Variants in WDR59 observed in about 807,000 individuals in gnomAD.
WDR59 encodes WD repeat domain 59.
Under a neutral mutation model 131.2 loss-of-function variants are expected in WDR59, and 100 were observed. That is an observed-to-expected ratio of 0.76 (90% CI 0.65 to 0.90). The LOEUF (loss-of-function observed/expected upper bound fraction) is 0.90. Among genes scored for constraint, WDR59 ranks in the 40% least tolerant of loss-of-function variants. WDR59 has a pLI of 0.00. For synonymous variants in WDR59, 601 were observed against 466.2 expected, an observed-to-expected ratio of 1.29 and a Z score of -3.72; for missense variants, 1,203 against 1,262.2, an observed-to-expected ratio of 0.95 and a Z score of 0.71.
chr16:74,877,335 A>G (rs761267063), intron 25 of WDR59, among the ~76,000 whole-genome samples: 21 of 152,208 alleles, frequency 1.4e-4, no homozygotes, highest in Non-Finnish European at 1.8e-4. Context: ...AATTCCAAAG[A>G]AAACTGTTCA....
intron 3 of WDR59, 100 bp downstream of exon 3, chr16:74,956,375 G>T: frequency 7.0e-7 from 1 of 1,419,694 alleles, no homozygotes. Context: ...TTCCAAATGA[G>T]CAATGAGGAC....
chr16:74,886,134 C>A (rs1003835429), intron 24 of WDR59, 136 bp downstream of exon 24: 3 of 1,151,626 alleles, frequency 2.6e-6, no homozygotes, highest in East Asian at 2.5e-5. Flanking sequence ...GCCGAGATCC[C>A]GCCACTGCAC....
At chr16:74,948,825 AC>A (rs1272933693) in intron 5 of WDR59, among the ~76,000 whole-genome samples, 7 of 151,824 alleles carry the variant, frequency 4.6e-5, no homozygotes, top group Admixed American at 2.0e-4. Flanking sequence ...ACATGATGAA[AC>A]CCCATCTCTA....
intron 8 of WDR59, among the ~76,000 whole-genome samples, chr16:74,934,937 T>C (rs1297862466): frequency 6.6e-6 from 1 of 151,804 alleles, no homozygotes; most frequent in African/African-American, 2.4e-5. Context: ...CACCAGAATG[T>C]AGCAAGGGTG....
chr16:74,893,628 G>C, intron 19 of WDR59, 51 bp downstream of exon 19: 1 of 1,519,126 alleles, frequency 6.6e-7, no homozygotes. Flanking sequence ...AAAAAGTTTT[G>C]CTAATCCTGG....
intron 25 of WDR59, among the ~76,000 whole-genome samples, chr16:74,879,489 G>A (rs1027416652): frequency 1.3e-5 from 2 of 152,188 alleles, no homozygotes; most frequent in African/African-American, 2.4e-5. Flanking sequence ...CAAAGTAGAT[G>A]GGTAGAGAAT....
At chr16:74,906,312 T>TAAAAAAAAAAAAA (rs1965814350) in intron 17 of WDR59, among the ~76,000 whole-genome samples, 3 of 330 alleles carry the variant, frequency 9.1e-3, no homozygotes, top group Non-Finnish European at 0.018. Flanking sequence ...AGACTCCGTC[T>TAAAAAAAAAAAAA]CAAAAAAAAA....
In WDR59 at chr16:74,938,263, G is replaced by A. The variant is rs1180642802; in HGVS notation, c.538C>T (p.Pro180Ser). The stretch of plus-strand genomic sequence containing the variant: ...GCTAGATATTCCACTGCTGTACTGG[G>A]TTTCTGCAACAGATCAGCACCTAAT... ...GDVRIWDKRK[P>S]STAVEYLAAH... The change falls in exon 8 of 26, where the codon CCC becomes TCC. Residue 180 changes from proline to serine, a missense_variant. Physicochemically the swap from Pro to Ser is moderately conservative, Grantham distance 74 (BLOSUM62 -1). Transcript: ENST00000262144. 3 of 1,527,394 alleles carry A rather than the reference G, an allele frequency of 2.0e-6. No individual in the cohort carries two copies. The highest frequency in any genetic ancestry group is 1.8e-6 in the Non-Finnish European group (2 of 1,136,072). 94.6% of individuals were successfully genotyped at this position (1,527,394 alleles called of 1,614,324 possible).
intron 3 of WDR59, among the ~76,000 whole-genome samples, chr16:74,952,445 C>CAAAAAAAAA (rs61448932): frequency 1.4e-3 from 85 of 62,624 alleles, no homozygotes; most frequent in African/African-American, 2.6e-3. Context: ...CCATCTCAAA[C>CAAAAAAAAA]AAAAAAAAAA....
At chr16:74,884,888 G>A (rs189995447) in intron 25 of WDR59, among the ~76,000 whole-genome samples, 72 of 152,188 alleles carry the variant, frequency 4.7e-4, no homozygotes, top group Non-Finnish European at 8.7e-4. Flanking sequence ...TCAGCTCCTT[G>A]GAGGCCTTCT....
chr16:74,959,103 C>G (rs1031685243), intron 2 of WDR59, among the ~76,000 whole-genome samples: 2 of 152,138 alleles, frequency 1.3e-5, no homozygotes, highest in African/African-American at 4.8e-5. Context: ...ACCCATCCAC[C>G]CAGGTGGCTG....
intron 14 of WDR59, among the ~76,000 whole-genome samples, chr16:74,910,381 C>T (rs1046997632): frequency 2.6e-5 from 4 of 152,132 alleles, no homozygotes; most frequent in African/African-American, 9.7e-5. Flanking sequence ...CTACCTCTAC[C>T]GAGGTTAAAA....
intron 9 of WDR59, among the ~76,000 whole-genome samples, chr16:74,923,571 G>A (rs1313920437): frequency 3.9e-5 from 6 of 152,004 alleles, no homozygotes; most frequent in Non-Finnish European, 5.9e-5. Flanking sequence ...TCTGCCTCCC[G>A]GGTTCAAGCG....
At position 74,874,463 on chromosome 16, in the gene WDR59, G is replaced by T; in HGVS notation, c.2690-19C>A. 1 of 1,610,278 alleles carries T rather than the reference G, an allele frequency of 6.2e-7. No individual in the cohort carries two copies. The highest frequency in any genetic ancestry group is 8.5e-7 in the Non-Finnish European group (1 of 1,177,350). ...CCGAACTCTGGAAATGGGCAGGGAC[G>T]GGCAAAACAAGAGGCAGCATGAGTT... On this transcript the variant is annotated intron_variant, in intron 25 of 25. Coordinates refer to ENST00000262144, the MANE Select transcript of WDR59 (RefSeq NM_030581.4).
At chr16:74,909,679 G>A (rs1965988753) in intron 15 of WDR59, 22 bp from the exon 16 acceptor site, 3 of 1,552,522 alleles carry the variant, frequency 1.9e-6, no homozygotes, top group South Asian at 1.2e-5. Flanking sequence ...AAATCCACAA[G>A]CTAAAAACCA....
chr16:74,915,925 G>A lies in WDR59; in HGVS notation c.1169C>T (p.Thr390Ile), dbSNP rs1274007257. ...RKSDQLGLPQ[T>I]LQQEFSLINV... ...GATCAGGGAGAATTCCTGCTGCAAG[G>A]TCTGAGGCAGCCCCAGTTGATCTGA... Residue 390 changes from threonine (T) to isoleucine (I), a missense_variant, in exon 13 of 26, where the codon ACC (threonine) becomes ATC (isoleucine). Coordinates refer to ENST00000262144, the MANE Select transcript of WDR59 (RefSeq NM_030581.4). 1 of 1,614,072 alleles carries A rather than the reference G, an allele frequency of 6.2e-7. No individual in the cohort carries two copies. The highest frequency in any genetic ancestry group is 1.1e-5 in the South Asian group (1 of 91,094).
At chr16:74,981,944 C>T (rs1242440092) in intron 1 of WDR59, among the ~76,000 whole-genome samples, 3 of 127,260 alleles carry the variant, frequency 2.4e-5, no homozygotes, top group Non-Finnish European at 3.4e-5. Flanking sequence ...GCGTGAGCCA[C>T]CACGCCTGGC....
chr16:74,984,723 G>A (rs1036411162), intron 1 of WDR59: 4 of 567,144 alleles, frequency 7.1e-6, no homozygotes, highest in South Asian at 6.2e-5. Context: ...GTGTCACAAG[G>A]CGGACCCCAC....
chr16:74,962,972 A>G (rs937518215), intron 2 of WDR59: 8 of 151,360 alleles, frequency 5.3e-5, no homozygotes, highest in Non-Finnish European at 8.9e-5. Flanking sequence ...TTATAAAGAT[A>G]TGGCCAGGTA....
Sources: gnomAD v4.1 joint callset for allele counts (sites outside exome capture counted in the v4.1 genomes callset) on GRCh38, gnomAD v4.1.1 for gene constraint, MANE v1.5 for transcripts, NCBI Gene and HGNC (gene_info 2026-07-23, HGNC 2026-07-21) for gene names.